Variants in INTS1 observed in about 807,000 individuals in gnomAD.
INTS1 encodes the protein integrator complex subunit 1.
INTS1 carries 137 observed loss-of-function variants against 241.6 expected under a neutral mutation model. The ratio of observed to expected loss-of-function variants is 0.57; its 90% CI spans 0.49 to 0.65. The LOEUF (loss-of-function observed/expected upper bound fraction) is 0.65. INTS1 is among the 30% of genes least tolerant of loss of function. The probability of loss-of-function intolerance (pLI) is 0.00; values close to 1 mark genes in which losing one functional copy is unlikely to be tolerated. For missense variants in INTS1, 3,073 were observed against 3,032.2 expected, an observed-to-expected ratio of 1.01 and a Z score of -0.32; for synonymous variants, 1,692 against 1,337.8, an observed-to-expected ratio of 1.26 and a Z score of -5.78.
rs1474335598 is a variant in INTS1, at chr7:1,493,707, G to A, written c.2068+47C>T. The A allele has an allele frequency of 6.3e-5, 96 of 1,530,652 alleles. No homozygotes were observed. Among genetic ancestry groups the A allele is most frequent in the Non-Finnish European group, 7.3e-5 (83 of 1,135,768 alleles). The allele number at this position is 1,530,652 out of a possible 1,614,324, so 94.8% of individuals were successfully genotyped here. A position where few individuals can be genotyped will look rare whatever the true frequency, so the allele number is the denominator to read the frequency against. ...CCAGAGCCGGGGTTTCTGCAGGGACGAGGGGAGCAGACCCAGCACAGGCGC... is the reference window on the plus strand; with the variant it reads ...CCAGAGCCGGGGTTTCTGCAGGGACAAGGGGAGCAGACCCAGCACAGGCGC... On this transcript the variant is annotated intron_variant, in intron 15 of 47. Transcript: ENST00000404767. The surrounding 1 kb of genome is among the most constrained non-coding windows in gnomAD (Gnocchi z 5.3).
intron 29 of INTS1, 102 bp from the exon 30 acceptor site, chr7:1,480,543 C>A: frequency 6.7e-6 from 9 of 1,345,052 alleles, no homozygotes; most frequent in Non-Finnish European, 9.1e-6. Flanking sequence ...GGACTGTCAC[C>A]CAGGAGGAAG....
intron 45 of INTS1, 56 bp from the exon 46 acceptor site, chr7:1,471,280 C>A (rs982120099): frequency 2.0e-6 from 3 of 1,499,418 alleles, no homozygotes; most frequent in Non-Finnish European, 1.8e-6. Flanking sequence ...CCCATCAAGG[C>A]CCCTTCACCT....
intron 18 of INTS1, 70 bp from the exon 19 acceptor site, chr7:1,488,027 G>A: frequency 6.6e-7 from 1 of 1,507,982 alleles, no homozygotes; most frequent in Non-Finnish European, 9.2e-7. Context: ...GCCACGCTCA[G>A]GGTCAAGGAG....
intron 44 of INTS1, 76 bp from the exon 45 acceptor site, chr7:1,471,717 A>C (rs1781475659): frequency 7.1e-7 from 1 of 1,412,236 alleles, no homozygotes; most frequent in Non-Finnish European, 1.0e-6. Flanking sequence ...AGCCACCCAG[A>C]GGGGGCAAGG....
chr7:1,487,367 A>T lies in INTS1; in HGVS notation c.2599T>A (p.Cys867Ser). The T allele has an allele frequency of 6.2e-7, 1 of 1,610,000 alleles. No homozygotes were observed. Among genetic ancestry groups the T allele is most frequent in the Non-Finnish European group, 8.5e-7 (1 of 1,178,584 alleles). Residue 867 changes from cysteine to serine, a missense_variant, in exon 20 of 48, where the codon TGC becomes AGC. Physicochemically the swap from Cys to Ser is moderately radical, Grantham distance 112. Transcript: ENST00000404767. ...NQSLRLGHLL[C>S]RSRNPDFLLH... ...AGAAAGTCAGGGTTTCGGCTGCGGC[A>T]CAAGAGGTGCCCGAGGCGGAGGGAC...
chr7:1,485,354 C>T lies in INTS1; in HGVS notation c.3092G>A (p.Arg1031Gln), dbSNP rs760032839. The T allele has an allele frequency of 6.2e-6, 10 of 1,611,866 alleles. No homozygotes were observed. Among genetic ancestry groups the T allele is most frequent in the African/African-American group, 5.3e-5 (4 of 74,924 alleles). ...DVLQGYQWLL[R>Q]DLPRLPLFDS... ...GAACAGAGGCAGGCGAGGCAGGTCC[C>T]GCAGCAGCCACTGATAGCCCTGCAG... The change falls in exon 23 of 48, where the codon CGG (arginine) becomes CAG (glutamine). Residue 1031 changes from arginine to glutamine, a missense_variant. Arg to Gln is a conservative substitution (Grantham distance 43). Coordinates refer to ENST00000404767, the MANE Select transcript of INTS1 (RefSeq NM_001080453.3).
intron 22 of INTS1, 110 bp from the exon 23 acceptor site, chr7:1,485,579 C>T (rs1192651663): frequency 2.6e-6 from 3 of 1,160,220 alleles, no homozygotes; most frequent in East Asian, 2.6e-5. Context: ...GAGAATGTGG[C>T]GCTTGCTTCC....
intron 30 of INTS1, 60 bp downstream of exon 30, chr7:1,480,257 G>C: frequency 1.9e-6 from 3 of 1,540,746 alleles, no homozygotes; most frequent in Non-Finnish European, 2.6e-6. Flanking sequence ...AGGCGGCAGC[G>C]AAGGCTGCAC....
chr7:1,497,170 T>G lies in INTS1; in HGVS notation c.1570A>C (p.Lys524Gln). Residue 524 changes from lysine (K) to glutamine (Q), a missense_variant, in exon 11 of 48, where the codon AAG (lysine) becomes CAG (glutamine). By Grantham distance (53) the Lys-to-Gln change is moderately conservative. Coordinates refer to ENST00000404767, the MANE Select transcript of INTS1 (RefSeq NM_001080453.3). The surrounding 1 kb of genome is among the most constrained non-coding windows in gnomAD (Gnocchi z 5.3). The part of the protein sequence containing the change: ...AFCLGLMQER[K>Q]EPQYLEMEFK... Reference sequence around the variant, plus strand: ...TCCATCTCCAGGTACTGCGGCTCCTTGCGCTCCTGCATGAGCCCCAGGCAG... The same window carrying G: ...TCCATCTCCAGGTACTGCGGCTCCTGGCGCTCCTGCATGAGCCCCAGGCAG... 6.2e-7 allele frequency: 1 copy of G among 1,609,632 alleles called. No homozygotes were observed. Among genetic ancestry groups the G allele is most frequent in the Non-Finnish European group, 8.5e-7 (1 of 1,178,554 alleles).
Position 1,497,236 on chromosome 7 carries a change from T to C in INTS1, c.1504A>G (p.Ile502Val), listed in dbSNP as rs769851715. The change falls in exon 11 of 48, where the codon ATC (isoleucine) becomes GTC (valine). Residue 502 changes from isoleucine to valine, a missense_variant. Transcript: ENST00000404767. This position sits in a 1 kb window ranked among gnomAD's most constrained non-coding sequence, Gnocchi z 5.3. ...LRASRALLRE[I>V]IKQTKHEINF... ...ATCTCGTGCTTGGTCTGCTTGATGA[T>C]CTCCCGCAGCAGGGCCCGCGAGGCC... 1.6e-5 allele frequency: 26 copies of C among 1,612,996 alleles called. No homozygotes were observed. The South Asian group carries it at 2.7e-4, about 17-fold the overall frequency.
chr7:1,470,454 T>A lies in INTS1; in HGVS notation c.*123A>T. The A allele has an allele frequency of 1.4e-6, 1 of 725,110 alleles. No individual in the cohort carries two copies. The highest frequency in any genetic ancestry group is 2.1e-6 in the Non-Finnish European group (1 of 466,514). The allele number at this position is 725,110 out of a possible 1,614,324, so 44.9% of individuals were successfully genotyped here. A position where few individuals can be genotyped will look rare whatever the true frequency, so the allele number is the denominator to read the frequency against. ...GTATTGCTCCTGGGCCTGCCTGGCCTCAGGGCTCGGCGCCCTCACCTCCTC... is the reference window on the plus strand; with the variant it reads ...GTATTGCTCCTGGGCCTGCCTGGCCACAGGGCTCGGCGCCCTCACCTCCTC... On this transcript the variant is annotated 3_prime_UTR_variant, in exon 48 of 48. Transcript: ENST00000404767.
chr7:1,495,802 C>A (rs146397094), intron 12 of INTS1, among the ~76,000 whole-genome samples: 2 of 152,286 alleles, frequency 1.3e-5, no homozygotes, highest in Admixed American at 6.5e-5. Context: ...GCTTCTGCGG[C>A]CCAGCCTTCC....
chr7:1,480,415 T>C lies in INTS1; in HGVS notation c.3976A>G (p.Ser1326Gly). ...RDSTEAPKPK[S>G]SPEQPIGQGR... The stretch of plus-strand genomic sequence containing the variant: ...TGGCCTATGGGCTGCTCTGGGCTGC[T>C]CTTTGGTTTGGGTGCCTCTGTGCTG... The change falls in exon 30 of 48, where the codon AGC becomes GGC. Residue 1326 changes from serine (S) to glycine (G), a missense_variant. Coordinates refer to ENST00000404767, the MANE Select transcript of INTS1 (RefSeq NM_001080453.3). 6.2e-7 allele frequency: 1 copy of C among 1,613,492 alleles called. No individual in the cohort carries two copies. The highest frequency in any genetic ancestry group is 8.5e-7 in the Non-Finnish European group (1 of 1,179,718).
At position 1,480,821 on chromosome 7, in the gene INTS1, C is replaced by A; in HGVS notation, c.3949+14G>T. 1.3e-6 allele frequency: 2 copies of A among 1,544,196 alleles called. No individual in the cohort carries two copies. Among genetic ancestry groups the A allele is most frequent in the Non-Finnish European group, 1.7e-6 (2 of 1,142,932 alleles). ...AGGCTGGGTCTCTGTGCTGGCCCCA[C>A]CCCTCCCCAGTACCTCGGCGGGGCG... On this transcript the variant is annotated intron_variant, in intron 29 of 47. Coordinates refer to ENST00000404767, the MANE Select transcript of INTS1 (RefSeq NM_001080453.3).
At position 1,499,168 on chromosome 7, in the gene INTS1, C is replaced by G. The variant is rs1023122340; in HGVS notation, c.951-7G>C. On this transcript the variant is annotated splice_polypyrimidine_tract_variant and splice_region_variant and intron_variant, in intron 7 of 47. Coordinates refer to ENST00000404767, the MANE Select transcript of INTS1 (RefSeq NM_001080453.3). ...CTCCGCGAGCTCTTCGTACCTAGGCCAGAGGAGGGAGCGAGGAGGGAGGAA... is the reference window on the plus strand; with the variant it reads ...CTCCGCGAGCTCTTCGTACCTAGGCGAGAGGAGGGAGCGAGGAGGGAGGAA... The G allele has an allele frequency of 4.0e-5, 65 of 1,607,678 alleles. No homozygotes were observed. Among genetic ancestry groups the G allele is most frequent in the Non-Finnish European group, 5.2e-5 (61 of 1,177,316 alleles).
At position 1,502,942 on chromosome 7, in the gene INTS1, A is replaced by T; in HGVS notation, c.308T>A (p.Ile103Asn). Residue 103 changes from isoleucine to asparagine, a missense_variant, in exon 3 of 48, where the codon ATT becomes AAT. Ile to Asn is a moderately radical substitution (Grantham distance 149). Coordinates refer to ENST00000404767, the MANE Select transcript of INTS1 (RefSeq NM_001080453.3). ...AGATGGCTCTTTAATCGACGGAGAA[A>T]TGGCTCGTTTTTCTGCCACTGCAGC... Reference protein sequence around the residue: ...AEAAVAEKRAISPSIKEPSVV... With the variant: ...AEAAVAEKRANSPSIKEPSVV... 6.2e-7 allele frequency: 1 copy of T among 1,613,786 alleles called. No homozygotes were observed. The highest frequency in any genetic ancestry group is 8.5e-7 in the Non-Finnish European group (1 of 1,179,872).
intron 18 of INTS1, among the ~76,000 whole-genome samples, chr7:1,488,421 T>G (rs1220600157): frequency 2.6e-5 from 4 of 152,106 alleles, no homozygotes; most frequent in African/African-American, 7.2e-5. Context: ...CGCTCTAATC[T>G]GAGCTCTGTC....
At chr7:1,479,402 C>T (rs1027497752) in intron 31 of INTS1, 28 bp downstream of exon 31, 5 of 1,553,304 alleles carry the variant, frequency 3.2e-6, no homozygotes, top group African/African-American at 1.4e-5. Context: ...CTGCCCTCCT[C>T]CCCCGCAAGA....
At chr7:1,500,791 C>T (rs536815551) in intron 3 of INTS1, 2 of 170,134 alleles carry the variant, frequency 1.2e-5, no homozygotes, top group East Asian at 1.6e-4. Context: ...CTTCTTCCCA[C>T]TTTTCCTCCC....
Sources: gnomAD v4.1 joint callset for allele counts (sites outside exome capture counted in the v4.1 genomes callset) on GRCh38, gnomAD v4.1.1 for gene constraint, Gnocchi (gnomAD v3.1) non-coding constraint, MANE v1.5 for transcripts, NCBI Gene and HGNC (gene_info 2026-07-23, HGNC 2026-07-21) for gene names.